Variants in CHCHD7 observed in about 807,000 individuals in gnomAD.
CHCHD7 encodes coiled-coil-helix-coiled-coil-helix domain-containing protein 7.
A neutral mutation model predicts 10.5 loss-of-function variants in CHCHD7; 7 were observed. The observed-to-expected ratio is 0.67, with a 90% CI of 0.38 to 1.25. The LOEUF is 1.25. CHCHD7 is among the 50% of genes most tolerant of loss of function. The pLI, the probability that CHCHD7 is intolerant of heterozygous loss-of-function variation, is 0.02. For missense variants in CHCHD7, 100 were observed against 104.5 expected, an observed-to-expected ratio of 0.96 and a Z score of 0.19; for synonymous variants, 40 against 36.0, an observed-to-expected ratio of 1.11 and a Z score of -0.40.
At chr8:56,214,887 C>T in intron 2 of CHCHD7, 1 of 420,700 alleles carries the variant, frequency 2.4e-6, no homozygotes, top group Non-Finnish European at 4.3e-6. Context: ...GTATAATATG[C>T]AAGCATTTGG....
intron 3 of CHCHD7, 150 bp downstream of exon 3, chr8:56,216,681 C>T (rs1422656689): frequency 2.3e-5 from 19 of 838,952 alleles, no homozygotes; most frequent in Middle Eastern, 2.1e-4. Flanking sequence ...CTACTTTAGC[C>T]GTGAAAGATC....
intron 2 of CHCHD7, chr8:56,214,891 C>T (rs1813252306): frequency 2.5e-6 from 1 of 407,808 alleles, no homozygotes; most frequent in South Asian, 4.2e-5. Context: ...AATATGCAAG[C>T]ATTTGGTTGT....
intron 1 of CHCHD7, chr8:56,213,254 T>C (rs1813128724): frequency 5.7e-6 from 1 of 176,760 alleles, no homozygotes; most frequent in Non-Finnish European, 1.2e-5. Context: ...TCAATGAAAA[T>C]CATAAAATTA....
chr8:56,217,461 A>C lies in CHCHD7; in HGVS notation c.*26A>C. ...ATGTTTGCATTAAAAGTGTTTATAT[A>C]ACTTAGAAGCAGATGAATATTTCTA... On this transcript the variant is annotated 3_prime_UTR_variant, in exon 4 of 4. Coordinates refer to ENST00000355315, the MANE Select transcript of CHCHD7 (RefSeq NM_001011671.3). 1 of 1,287,568 alleles carries C rather than the reference A, an allele frequency of 7.8e-7. No individual in the cohort carries two copies. Among genetic ancestry groups the C allele is most frequent in the East Asian group, 2.3e-5 (1 of 43,112 alleles). 79.8% of individuals were successfully genotyped at this position (1,287,568 alleles called of 1,614,324 possible).
intron 1 of CHCHD7, chr8:56,212,893 T>A: frequency 2.5e-6 from 4 of 1,599,234 alleles, no homozygotes; most frequent in Non-Finnish European, 3.4e-6. Context: ...GAACTGGGTA[T>A]ATGTGATGTT....
chr8:56,215,814 G>A (rs1813314877), intron 2 of CHCHD7, among the ~76,000 whole-genome samples: 1 of 152,108 alleles, frequency 6.6e-6, no homozygotes, highest in South Asian at 2.1e-4. Context: ...TCCCCATGTG[G>A]CACCTACTTT....
Position 56,215,701 on chromosome 8 carries a change from C to G in CHCHD7, c.55-732C>G, listed in dbSNP as rs1326663635. 4 of 152,216 alleles carry G rather than the reference C, an allele frequency of 2.6e-5. No homozygotes were observed. The East Asian group carries it at 7.7e-4, about 29-fold the overall frequency. 9.4% of individuals were successfully genotyped at this position (152,216 alleles called of 1,614,324 possible). A position where few individuals can be genotyped will look rare whatever the true frequency, so the allele number is the denominator to read the frequency against. ...CCGAAGACCAGTACCACTTTGTGGCCTGGGGGTTGGGGACCCCTGCTTTAG... is the reference window on the plus strand; with the variant it reads ...CCGAAGACCAGTACCACTTTGTGGCGTGGGGGTTGGGGACCCCTGCTTTAG... On this transcript the variant is annotated intron_variant, in intron 2 of 3. Coordinates refer to ENST00000355315, the MANE Select transcript of CHCHD7 (RefSeq NM_001011671.3).
At chr8:56,216,849 C>T (rs1813378175) in intron 3 of CHCHD7, 1 of 634,276 alleles carries the variant, frequency 1.6e-6, no homozygotes, top group African/African-American at 1.8e-5. Context: ...TGTTTAACTT[C>T]CCTTGTCATA....
chr8:56,214,725 GT>G, intron 2 of CHCHD7, 58 bp downstream of exon 2: 2 of 1,340,194 alleles, frequency 1.5e-6, no homozygotes, highest in Non-Finnish European at 2.1e-6. Context: ...GGCTGCTCTA[GT>G]TTTGTGGGCC....
chr8:56,216,261 A>G, intron 2 of CHCHD7, 172 bp from the exon 3 acceptor site: 1 of 967,466 alleles, frequency 1.0e-6, no homozygotes, highest in South Asian at 1.7e-5. Context: ...AGCAGAGTGC[A>G]TACTGGGATA....
intron 2 of CHCHD7, among the ~76,000 whole-genome samples, chr8:56,216,138 G>T (rs563431600): frequency 1.3e-4 from 20 of 152,176 alleles, no homozygotes; most frequent in Non-Finnish European, 2.5e-4. Context: ...CCTTGCCTCA[G>T]TTTCTTACTA....
In CHCHD7 at chr8:56,218,245, G is replaced by A. The variant is rs144428319; in HGVS notation, c.*810G>A. ...GAGTTGGGCAGGGAAAAGGGTCAGG[G>A]TTCATCAGGTGAACTCAACACTGGG... On this transcript the variant is annotated 3_prime_UTR_variant, in exon 4 of 4. Coordinates refer to ENST00000355315, the MANE Select transcript of CHCHD7 (RefSeq NM_001011671.3). 136 of 228,458 alleles carry A rather than the reference G, an allele frequency of 6.0e-4. No homozygotes were observed. The highest frequency in any genetic ancestry group is 2.9e-3 in the African/African-American group (131 of 45,180). 14.2% of individuals were successfully genotyped at this position (228,458 alleles called of 1,614,324 possible).
At position 56,216,540 on chromosome 8, in the gene CHCHD7, A is replaced by AGATT. The variant is rs1235204618; in HGVS notation, c.153+11_153+14dup. On this transcript the variant is annotated intron_variant, in intron 3 of 3. Transcript: ENST00000355315. ...ACTGCCGGAGATTCTGGGTAAGCCTAGATTGGTTAGCTTTGTGTTAAAACC... is the reference window on the plus strand; with the variant it reads ...ACTGCCGGAGATTCTGGGTAAGCCTAGATTGATTGGTTAGCTTTGTGTTAAAACC... 3.1e-6 allele frequency: 5 copies of AGATT among 1,614,156 alleles called. No homozygotes were observed. In the East Asian group the frequency reaches 1.1e-4, roughly 36 times the overall value.
At chr8:56,214,702 A>G (rs773790911) in intron 2 of CHCHD7, 35 bp downstream of exon 2, 44 of 1,560,480 alleles carry the variant, frequency 2.8e-5, no homozygotes, top group Non-Finnish European at 3.7e-5. Context: ...ATGAGTGTTA[A>G]GTTGGAAAAA....
At chr8:56,214,348 G>A (rs1413053368) in intron 1 of CHCHD7, 3 of 295,090 alleles carry the variant, frequency 1.0e-5, no homozygotes, top group Non-Finnish European at 1.9e-5. Context: ...TGGGATTACA[G>A]GCGTGAGACA....
Position 56,217,559 on chromosome 8 carries a change from C to A in CHCHD7, c.*124C>A. 1.7e-6 allele frequency: 1 copy of A among 593,454 alleles called. No homozygotes were observed. 36.8% of individuals were successfully genotyped at this position (593,454 alleles called of 1,614,324 possible). A position where few individuals can be genotyped will look rare whatever the true frequency, so the allele number is the denominator to read the frequency against. On this transcript the variant is annotated 3_prime_UTR_variant, in exon 4 of 4. Transcript: ENST00000355315. The stretch of plus-strand genomic sequence containing the variant: ...AGACCTTAAGTTCTTCAAGTGGAGA[C>A]AGTGAAGTCACCCCGTGTCCTTTTT...
At chr8:56,217,014 G>T (rs1400930754) in intron 3 of CHCHD7, 1 of 417,074 alleles carries the variant, frequency 2.4e-6, no homozygotes, top group Non-Finnish European at 4.4e-6. Context: ...TAAATGCACT[G>T]TTGGTTTTAT....
At position 56,216,417 on chromosome 8, in the gene CHCHD7, C is replaced by G. The variant is rs1410012524; in HGVS notation, c.55-16C>G. ...CTGTTCTACCTTTTAAATGATGCCT[C>G]TCTTATATCTGTAAGGAATCTGATG... On this transcript the variant is annotated splice_polypyrimidine_tract_variant and intron_variant, in intron 2 of 3. Coordinates refer to ENST00000355315, the MANE Select transcript of CHCHD7 (RefSeq NM_001011671.3). 2.5e-6 allele frequency: 4 copies of G among 1,613,936 alleles called. No individual in the cohort carries two copies. Among genetic ancestry groups the G allele is most frequent in the East Asian group, 2.2e-5 (1 of 44,888 alleles).
At chr8:56,212,704 G>A in intron 1 of CHCHD7, 1 of 617,356 alleles carries the variant, frequency 1.6e-6, no homozygotes, top group South Asian at 2.1e-5. Context: ...CGGAGCACTC[G>A]ATGTTGTAAT....
Sources: allele counts gnomAD v4.1 joint callset (sites outside exome capture counted in the v4.1 genomes callset), GRCh38; gene constraint gnomAD v4.1.1; transcripts MANE v1.5; gene names NCBI Gene and HGNC (gene_info 2026-07-23, HGNC 2026-07-21).